The following CEP192 variants were observed in gnomAD, a reference collection of about 807,000 sequenced individuals.
CEP192 encodes the protein centrosomal protein 192, also known as centrosomal protein of 192 kDa.
CEP192 carries 151 observed loss-of-function variants against 271.8 expected under a neutral mutation model. The ratio of observed to expected loss-of-function variants is 0.56; its 90% CI spans 0.49 to 0.64. CEP192 has a LOEUF of 0.64. Among genes scored for constraint, CEP192 ranks in the 30% least tolerant of loss-of-function variants. CEP192 has a pLI of 0.00. For synonymous variants in CEP192, 995 were observed against 1,076.5 expected, an observed-to-expected ratio of 0.92 and a Z score of 1.48; for missense variants, 2,910 against 3,020.5, an observed-to-expected ratio of 0.96 and a Z score of 0.86.
At chr18:12,995,311 G>A (rs943304709) in intron 1 of CEP192, among the ~76,000 whole-genome samples, 9 of 152,030 alleles carry the variant, frequency 5.9e-5, no homozygotes, top group African/African-American at 1.4e-4. Flanking sequence ...TGATCCGCCC[G>A]CCTCGGCCTC....
At chr18:13,096,548 C>T (rs1479480301) in intron 36 of CEP192, among the ~76,000 whole-genome samples, 3 of 152,114 alleles carry the variant, frequency 2.0e-5, no homozygotes, top group Non-Finnish European at 2.9e-5. Context: ...GGGACACACA[C>T]ATTTGAGGTG....
In CEP192 at chr18:13,092,525, A is replaced by G. The variant is rs768843173; in HGVS notation, c.6252A>G (p.Thr2084=). ...CTTCCAAAGCTAGCTTGGAATCTAC[A>G]AGGTAAAATAAATGAACAGAAATCT... ...QPSSKASLES[T]SDLGASGKHG... The change falls in exon 34 of 45, where the codon ACA becomes ACG. Residue 2084 remains threonine (T), a splice_region_variant and synonymous_variant. Coordinates refer to ENST00000506447, the MANE Select transcript of CEP192 (RefSeq NM_032142.4). 1.9e-6 allele frequency: 3 copies of G among 1,594,020 alleles called. No homozygotes were observed. The South Asian group carries it at 3.5e-5, about 18-fold the overall frequency.
chr18:13,067,915 C>T lies in CEP192; in HGVS notation c.4573C>T (p.Arg1525Ter), dbSNP rs1192744674. ...WKALPLKLIN[R>*]THATVPIRLI... is the part of the protein sequence containing the mutation. ...AGCCCTCCCACTAAAATTGATAAAC[C>T]GAACGCATGCCACTGTGCCAATTAG... The change falls in exon 22 of 45, where the codon CGA (arginine) becomes TGA (stop). Residue 1525 changes from arginine to a stop codon, truncating the protein, a stop_gained. Coordinates refer to ENST00000506447, the MANE Select transcript of CEP192 (RefSeq NM_032142.4). LOFTEE classifies it high-confidence loss of function. 6 of 1,612,744 alleles carry T rather than the reference C, an allele frequency of 3.7e-6. No homozygotes were observed. Among genetic ancestry groups the T allele is most frequent in the Admixed American group, 1.7e-5 (1 of 59,990 alleles).
intron 3 of CEP192, among the ~76,000 whole-genome samples, chr18:13,006,836 T>C (rs986336249): frequency 1.3e-5 from 2 of 152,208 alleles, no homozygotes; most frequent in African/African-American, 4.8e-5. Context: ...CCGCTGTAAC[T>C]GCCATCGCTT....
chr18:13,100,542 A>T, intron 38 of CEP192, 30 bp downstream of exon 38: 1 of 1,478,762 alleles, frequency 6.8e-7, no homozygotes, highest in Non-Finnish European at 9.4e-7. Context: ...TGTAATTCAA[A>T]TGTCTGCTGA....
At position 13,000,106 on chromosome 18, in the gene CEP192, T is replaced by C. The variant is rs1211268308; in HGVS notation, c.164+518T>C. ...TGTCTTCTCTCTTTTTTTTTTTTTT[T>C]TTTTTTTTTTTTGCTAATTAAAAAA... On this transcript the variant is annotated intron_variant, in intron 2 of 44. Coordinates refer to ENST00000506447, the MANE Select transcript of CEP192 (RefSeq NM_032142.4). Among the ~76,000 whole-genome samples, 23 of 145,268 alleles carry C rather than the reference T, an allele frequency of 1.6e-4. 1 individual carries two copies. The highest frequency in any genetic ancestry group is 9.7e-4 in the Admixed American group (14 of 14,450).
chr18:13,019,666 T>C (rs2034873836), intron 9 of CEP192, among the ~76,000 whole-genome samples: 1 of 152,124 alleles, frequency 6.6e-6, no homozygotes, highest in African/African-American at 2.4e-5. Context: ...TGCATGTAGG[T>C]TAATTTTTTC....
intron 30 of CEP192, among the ~76,000 whole-genome samples, chr18:13,074,082 T>C (rs904759423): frequency 6.6e-6 from 1 of 152,100 alleles, no homozygotes; most frequent in Non-Finnish European, 1.5e-5. Context: ...AGCTACATGG[T>C]TGTGCATGCT....
intron 30 of CEP192, among the ~76,000 whole-genome samples, chr18:13,075,334 GAGGC>G (rs2038214049): frequency 6.6e-6 from 1 of 152,174 alleles, no homozygotes; most frequent in South Asian, 2.1e-4. Flanking sequence ...TTGGGAGGCT[GAGGC>G]AGGTGGATCA....
In CEP192 at chr18:13,056,590, A is replaced by C. The variant is rs575049700; in HGVS notation, c.4000A>C (p.Asn1334His). The part of the protein sequence containing the change: ...GTSSLCNPYS[N>H]TLNQNLLSTT... ...CTCTTCCCTCTGTAACCCATATTCTAATACCTTAAATCAGAACCTGCTAAG... is the reference window on the plus strand; with the variant it reads ...CTCTTCCCTCTGTAACCCATATTCTCATACCTTAAATCAGAACCTGCTAAG... The change falls in exon 19 of 45, where the codon AAT becomes CAT. Residue 1334 changes from asparagine to histidine, a missense_variant. Coordinates refer to ENST00000506447, the MANE Select transcript of CEP192 (RefSeq NM_032142.4). 6.7e-5 allele frequency: 108 copies of C among 1,614,146 alleles called. No homozygotes were observed. The South Asian group carries it at 1.1e-3, about 16-fold the overall frequency.
chr18:13,076,016 G>A (rs1005018395), intron 30 of CEP192, among the ~76,000 whole-genome samples: 2 of 152,144 alleles, frequency 1.3e-5, no homozygotes, highest in Admixed American at 1.3e-4. Flanking sequence ...GTTACTTTTC[G>A]TTTGTCATAA....
chr18:13,045,426 T>TTTTAG (rs2036423346), intron 15 of CEP192, among the ~76,000 whole-genome samples: 2 of 152,206 alleles, frequency 1.3e-5, no homozygotes, highest in African/African-American at 2.4e-5. Flanking sequence ...GAATTTTTAG[T>TTTTAG]TTTAGGCCTT....
At chr18:13,104,310 A>G (rs1462023398) in intron 39 of CEP192, among the ~76,000 whole-genome samples, 5 of 147,082 alleles carry the variant, frequency 3.4e-5, no homozygotes, top group Admixed American at 1.4e-4. Context: ...CAGTGAGTCT[A>G]GCCTACTATC....
intron 9 of CEP192, among the ~76,000 whole-genome samples, 160 bp downstream of exon 9, chr18:13,019,366 T>C (rs1285749050): frequency 1.3e-5 from 2 of 152,234 alleles, no homozygotes; most frequent in Non-Finnish European, 2.9e-5. Flanking sequence ...TGTTTATAAG[T>C]ATCATACAAT....
rs145841115 is a variant in CEP192, at chr18:13,083,496, A to G, written c.5617-3521A>G. 6.5e-3 allele frequency among the ~76,000 whole-genome samples: 986 copies of G among 152,182 alleles called. 22 individuals carry two copies. The highest frequency in any genetic ancestry group is 0.022 in the African/African-American group (928 of 41,500). ...ATTTGTGGTCTTCTCTGTGATGTTT[A>G]TTCTAGTTAGCCATTCGTCTAATCT... is the stretch of plus-strand genomic sequence containing the variant. On this transcript the variant is annotated intron_variant, in intron 30 of 44. Coordinates refer to ENST00000506447, the MANE Select transcript of CEP192 (RefSeq NM_032142.4).
intron 1 of CEP192, among the ~76,000 whole-genome samples, chr18:12,997,389 G>T (rs569282518): frequency 6.6e-6 from 1 of 152,276 alleles, no homozygotes; most frequent in East Asian, 1.9e-4. Context: ...TGTGCAGGAG[G>T]AAGCATATTA....
At position 13,057,698 on chromosome 18, in the gene CEP192, A is replaced by G. The variant is rs1253965802; in HGVS notation, c.4222A>G (p.Ile1408Val). The change falls in exon 20 of 45, where the codon ATT (isoleucine) becomes GTT (valine). Residue 1408 changes from isoleucine (I) to valine (V), a missense_variant. Ile to Val is a conservative substitution (Grantham distance 29, BLOSUM62 3). Coordinates refer to ENST00000506447, the MANE Select transcript of CEP192 (RefSeq NM_032142.4). ...AACTGACCGCTGGCTGCAAGTCAGC[A>G]TTGGGGTCCTCAGCATTAGTGTTAA... ...NPTDRWLQVS[I>V]GVLSISVNGE... 1.2e-6 allele frequency: 2 copies of G among 1,614,016 alleles called. No individual in the cohort carries two copies. Among genetic ancestry groups the G allele is most frequent in the Non-Finnish European group, 1.7e-6 (2 of 1,180,016 alleles).
chr18:13,107,883 C>CAAAAAAAA (rs58195253), intron 40 of CEP192, among the ~76,000 whole-genome samples: 1 of 130,922 alleles, frequency 7.6e-6, no homozygotes, highest in African/African-American at 2.8e-5. Flanking sequence ...ATAGTATCTC[C>CAAAAAAAA]AAAAAAAAAA....
chr18:13,061,227 G>C (rs1428330449), intron 21 of CEP192, among the ~76,000 whole-genome samples: 4 of 152,212 alleles, frequency 2.6e-5, no homozygotes. Context: ...GGTGGCTGAT[G>C]CAGGAGAATT....
Sources: gnomAD v4.1 joint callset for allele counts (sites outside exome capture counted in the v4.1 genomes callset) on GRCh38, gnomAD v4.1.1 for gene constraint, MANE v1.5 for transcripts, NCBI Gene and HGNC (gene_info 2026-07-23, HGNC 2026-07-21) for gene names.